The following CTNND2 variants were observed in gnomAD, a reference collection of about 807,000 sequenced individuals.
CTNND2 encodes catenin delta-2.
CTNND2 carries 22 observed loss-of-function variants against 144.4 expected under a neutral mutation model. The ratio of observed to expected loss-of-function variants is 0.15; its 90% CI spans 0.11 to 0.22. The LOEUF is 0.22. Among genes scored for constraint, CTNND2 ranks in the 10% least tolerant of loss-of-function variants. The probability of loss-of-function intolerance (pLI) is 1.00; values close to 1 mark genes in which losing one functional copy is unlikely to be tolerated. For missense variants in CTNND2, 1,353 were observed against 1,618.8 expected (o/e 0.84, Z 2.82); for synonymous variants, 751 against 695.6 (o/e 1.08, Z -1.25).
intron 3 of CTNND2, among the ~76,000 whole-genome samples, chr5:11,484,759 A>C (rs1768639486): frequency 6.6e-6 from 1 of 152,216 alleles, no homozygotes; most frequent in South Asian, 2.1e-4. Context: ...AAATTATCCT[A>C]TTTATGAAAA....
chr5:10,993,516 T>C (rs1456545097), intron 18 of CTNND2, among the ~76,000 whole-genome samples: 5 of 152,182 alleles, frequency 3.3e-5, no homozygotes, highest in African/African-American at 9.7e-5. Context: ...AGTACTAACA[T>C]TATAGCAAAG....
intron 12 of CTNND2, among the ~76,000 whole-genome samples, chr5:11,139,884 T>C (rs1756546510): frequency 6.6e-6 from 1 of 152,196 alleles, no homozygotes; most frequent in Admixed American, 6.5e-5. Context: ...TTCCCTGCCT[T>C]TCCCAGCTTC....
At chr5:11,658,593 A>C (rs763701772) in intron 2 of CTNND2, among the ~76,000 whole-genome samples, 4 of 152,212 alleles carry the variant, frequency 2.6e-5, no homozygotes, top group Non-Finnish European at 4.4e-5. Context: ...AAACTGAAAA[A>C]AACTGACATC....
intron 9 of CTNND2, among the ~76,000 whole-genome samples, chr5:11,338,117 A>G (rs1485006390): frequency 6.6e-6 from 1 of 152,172 alleles, no homozygotes. Context: ...TAAGAAACAC[A>G]ACCACAGGTA....
intron 3 of CTNND2, among the ~76,000 whole-genome samples, chr5:11,423,628 G>A (rs942055672): frequency 3.3e-5 from 5 of 152,164 alleles, no homozygotes; most frequent in African/African-American, 1.2e-4. Flanking sequence ...TTATGTGCAT[G>A]AGTGTGTGAA....
Position 11,896,473 on chromosome 5 carries a change from TG to T in CTNND2, c.37+7343del, listed in dbSNP as rs546101160. Among the ~76,000 whole-genome samples, 4 of 152,178 alleles carry T rather than the reference TG, an allele frequency of 2.6e-5. No individual in the cohort carries two copies. The South Asian group carries it at 8.3e-4, about 32-fold the overall frequency. ...AATCTCAAATTTAAAGGCGAGAAAA[TG>T]TAAGTATGGCTGATCAAAATCTGTG... On this transcript the variant is annotated intron_variant, in intron 1 of 21. Coordinates refer to ENST00000304623, the MANE Select transcript of CTNND2 (RefSeq NM_001332.4).
intron 1 of CTNND2, among the ~76,000 whole-genome samples, chr5:11,815,694 C>T (rs74995780): frequency 0.012 from 1,771 of 152,168 alleles, 24 homozygotes; most frequent in South Asian, 0.064. Context: ...TTTGTTAATA[C>T]AACAGGATGA....
At chr5:11,766,271 T>C (rs761268493) in intron 1 of CTNND2, among the ~76,000 whole-genome samples, 6 of 152,194 alleles carry the variant, frequency 3.9e-5, no homozygotes, top group African/African-American at 1.4e-4. Context: ...GTATTAGTGT[T>C]GGTGGCTCAG....
chr5:11,384,658 C>A lies in CTNND2; in HGVS notation c.1177+7G>T. 6.3e-7 allele frequency: 1 copy of A among 1,595,696 alleles called. No individual in the cohort carries two copies. The highest frequency in any genetic ancestry group is 2.3e-5 in the East Asian group (1 of 44,440). Reference sequence around the variant, plus strand: ...GTGAGTCGCGCCAGGTGGCAGCGAGCCTTTACCTGCCAGGCTGCCCGGCCT... The same window carrying A: ...GTGAGTCGCGCCAGGTGGCAGCGAGACTTTACCTGCCAGGCTGCCCGGCCT... On this transcript the variant is annotated splice_region_variant and intron_variant, in intron 7 of 21. Coordinates refer to ENST00000304623, the MANE Select transcript of CTNND2 (RefSeq NM_001332.4). The surrounding 1 kb of genome is among the most constrained non-coding windows in gnomAD (Gnocchi z 5.2).
intron 18 of CTNND2, among the ~76,000 whole-genome samples, chr5:10,993,139 C>T (rs1034526520): frequency 3.9e-5 from 6 of 152,148 alleles, no homozygotes; most frequent in African/African-American, 9.7e-5. Flanking sequence ...CCTCCCTTCC[C>T]GTTTACCTGC....
intron 1 of CTNND2, among the ~76,000 whole-genome samples, chr5:11,737,846 T>C (rs1318387196): frequency 2.0e-5 from 3 of 152,134 alleles, no homozygotes; most frequent in African/African-American, 4.8e-5. Context: ...AAGCCATAAG[T>C]AGGCACAATG....
At chr5:11,851,500 T>C (rs1009994586) in intron 1 of CTNND2, among the ~76,000 whole-genome samples, 11 of 152,218 alleles carry the variant, frequency 7.2e-5, no homozygotes, top group Non-Finnish European at 1.0e-4. Flanking sequence ...TGAGGGGAAC[T>C]GGTCTCACCC....
At position 11,160,043 on chromosome 5, in the gene CTNND2, C is replaced by T. The variant is rs190381408; in HGVS notation, c.1976-284G>A. Among the ~76,000 whole-genome samples the T allele has an allele frequency of 1.2e-3, 186 of 152,322 alleles. No individual in the cohort carries two copies. In the Middle Eastern group the frequency reaches 0.014, roughly 11 times the overall value. Reference sequence around the variant, plus strand: ...CTGATTGAACTGAGGCTACCAACAACGCTTCTGTTCCATTTTAATACAATG... The same window carrying T: ...CTGATTGAACTGAGGCTACCAACAATGCTTCTGTTCCATTTTAATACAATG... On this transcript the variant is annotated intron_variant, in intron 11 of 21. Coordinates refer to ENST00000304623, the MANE Select transcript of CTNND2 (RefSeq NM_001332.4).
At chr5:11,648,154 G>C (rs936933805) in intron 2 of CTNND2, among the ~76,000 whole-genome samples, 6 of 150,894 alleles carry the variant, frequency 4.0e-5, no homozygotes, top group African/African-American at 1.5e-4. Context: ...CCATCAATGA[G>C]GGCAGAGAGA....
intron 3 of CTNND2, among the ~76,000 whole-genome samples, chr5:11,414,482 A>C (rs1387892832): frequency 6.6e-6 from 1 of 152,194 alleles, no homozygotes; most frequent in Non-Finnish European, 1.5e-5. Context: ...AACAATCACA[A>C]ATCTCTTCTT....
intron 3 of CTNND2, among the ~76,000 whole-genome samples, chr5:11,552,053 C>A (rs1775810421): frequency 6.6e-6 from 1 of 152,160 alleles, no homozygotes; most frequent in Admixed American, 6.5e-5. Flanking sequence ...CGAACCTGAG[C>A]CACCTTGCCC....
At chr5:11,265,606 C>CT (rs1293357416) in intron 9 of CTNND2, among the ~76,000 whole-genome samples, 2 of 151,780 alleles carry the variant, frequency 1.3e-5, no homozygotes, top group Non-Finnish European at 2.9e-5. Flanking sequence ...GAGCGTTTGA[C>CT]TGAGTGTTAA....
At chr5:11,501,542 G>T (rs1031202477) in intron 3 of CTNND2, among the ~76,000 whole-genome samples, 2 of 152,188 alleles carry the variant, frequency 1.3e-5, no homozygotes, top group Admixed American at 6.5e-5. Flanking sequence ...CAGTGTTAGT[G>T]CAATCCAATT....
intron 16 of CTNND2, among the ~76,000 whole-genome samples, chr5:11,045,372 A>AG (rs1011325905): frequency 1.3e-4 from 19 of 151,766 alleles, no homozygotes; most frequent in Admixed American, 3.9e-4. Context: ...TGCAAGAGGG[A>AG]GGGGGGGAAG....
Sources: gnomAD v4.1 joint callset for allele counts (sites outside exome capture counted in the v4.1 genomes callset) on GRCh38, gnomAD v4.1.1 for gene constraint, Gnocchi (gnomAD v3.1) non-coding constraint, MANE v1.5 for transcripts, NCBI Gene and HGNC (gene_info 2026-07-23, HGNC 2026-07-21) for gene names.